The following XIST variants were observed in gnomAD, a reference collection of about 807,000 sequenced individuals.
The protein encoded by XIST is X inactive specific transcript (non-protein coding).
exon 1 of XIST, chrX:73,852,353 A>G (rs1413670982): frequency 1.8e-6 from 1 of 543,091 alleles, no homozygotes; most frequent in African/African-American, 2.3e-5. Flanking sequence ...AGAAAAAATA[A>G]TAAAACCAGG....
chrX:73,828,282 G>A, intron 5 of XIST: 1 of 244,627 alleles, frequency 4.1e-6, no homozygotes. Flanking sequence ...TAGTGCTAGT[G>A]GTCACTTATA....
At chrX:73,831,399 C>T (rs1042733499) in intron 3 of XIST, 12 of 383,457 alleles carry the variant, frequency 3.1e-5, no homozygotes, top group Non-Finnish European at 4.5e-5. Flanking sequence ...GAAGAGTGGA[C>T]ATTTACAGTT....
chrX:73,826,161 T>A (rs1181859938), exon 6 of XIST: 2 of 557,606 alleles, frequency 3.6e-6, no homozygotes, highest in Non-Finnish European at 6.5e-6. Context: ...TTCTCAGAAG[T>A]CTGGCACATC....
exon 1 of XIST, chrX:73,846,179 G>A (rs1340408541): frequency 3.6e-6 from 2 of 554,685 alleles, no homozygotes; most frequent in Non-Finnish European, 6.5e-6. Flanking sequence ...ACGCATACCA[G>A]GCCAGGAAAA....
chrX:73,849,524 G>T lies in XIST; in HGVS notation n.3200C>A, dbSNP rs773765686. On this transcript the variant is annotated non_coding_transcript_exon_variant, in exon 1 of 6. Transcript: ENST00000429829. ...AAATGGTTTCTCCTTTAAGGGCAGG[G>T]GATCGAGAAAATGATAAGTAACTCA... The T allele has an allele frequency of 6.1e-5, 34 of 556,632 alleles. 1 individual carries two copies. In the Admixed American group the frequency reaches 6.7e-4, roughly 11 times the overall value. The allele number at this position is 556,632 out of a possible 1,213,427, so 45.9% of individuals were successfully genotyped here.
chrX:73,842,203 C>T (rs1458409704), exon 1 of XIST: 1 of 511,560 alleles, frequency 2.0e-6, no homozygotes, highest in Non-Finnish European at 3.5e-6. Flanking sequence ...AGCAATTTTT[C>T]TGGCTGTATC....
At chrX:73,842,138 G>A (rs780230549) in exon 1 of XIST, 1 of 520,244 alleles carries the variant, frequency 1.9e-6, no homozygotes, top group Non-Finnish European at 3.5e-6. Context: ...CCAGGTTATC[G>A]AGTCCACCCT....
At chrX:73,827,219 A>C in exon 6 of XIST, 1 of 558,537 alleles carries the variant, frequency 1.8e-6, no homozygotes, top group Non-Finnish European at 3.2e-6. Context: ...ACCGCTCCAC[A>C]ATGCTTGCTC....
chrX:73,850,576 G>GGTGGCAGA, exon 1 of XIST: 1 of 543,620 alleles, frequency 1.8e-6, no homozygotes, highest in Non-Finnish European at 3.3e-6. Context: ...GTTGGCCAAC[G>GGTGGCAGA]ATCATCTGTG....
At chrX:73,848,826 G>C (rs779726279) in exon 1 of XIST, 2 of 558,425 alleles carry the variant, frequency 3.6e-6, no homozygotes, top group East Asian at 6.5e-5. Context: ...TAATGAGTGG[G>C]ACTATGGGCA....
exon 6 of XIST, chrX:73,825,902 T>C (rs749118483): frequency 2.0e-5 from 11 of 557,629 alleles, no homozygotes; most frequent in Non-Finnish European, 3.2e-5. Flanking sequence ...AAGGAAAGTA[T>C]TAAACATGCT....
chrX:73,826,019 G>A (rs766018500), exon 6 of XIST: 2 of 559,127 alleles, frequency 3.6e-6, no homozygotes, highest in Non-Finnish European at 6.5e-6. Context: ...TGAGCAGGGA[G>A]TTCAGGCTGT....
chrX:73,845,251 T>C, exon 1 of XIST: 1 of 555,440 alleles, frequency 1.8e-6, no homozygotes, highest in Admixed American at 2.2e-5. Context: ...GAGGCTTCCA[T>C]GTCTATTACA....
In XIST at chrX:73,822,111, G is replaced by A. The variant is rs746371115; in HGVS notation, n.17790C>T. ...CAAAACCAATTGTGGCTCAAGTGTA[G>A]GTGGTTCCCCAAGGCTGGTACCAAT... On this transcript the variant is annotated non_coding_transcript_exon_variant, in exon 6 of 6. Coordinates refer to ENST00000429829, the Ensembl canonical transcript of XIST. 1.1e-4 allele frequency: 62 copies of A among 557,398 alleles called. No homozygotes were observed. The East Asian group carries it at 2.0e-3, about 18-fold the overall frequency. The allele number at this position is 557,398 out of a possible 1,213,427, so 45.9% of individuals were successfully genotyped here. A position where few individuals can be genotyped will look rare whatever the true frequency, so the allele number is the denominator to read the frequency against.
At position 73,843,217 on chromosome X, in the gene XIST, G is replaced by T. The variant is rs765827755; in HGVS notation, n.9507C>A. On this transcript the variant is annotated non_coding_transcript_exon_variant, in exon 1 of 6. Transcript: ENST00000429829. ...TGCAGTAATGCAAAGGGGATACTAG[G>T]GCATAATATCCCACTCTACCAGAAG... 16 of 558,294 alleles carry T rather than the reference G, an allele frequency of 2.9e-5. No homozygotes were observed. The South Asian group carries it at 3.3e-4, about 12-fold the overall frequency. 46.0% of individuals were successfully genotyped at this position (558,294 alleles called of 1,213,427 possible).
chrX:73,829,900 G>C (rs1922346366), intron 4 of XIST, among the ~76,000 whole-genome samples: 1 of 108,662 alleles, frequency 9.2e-6, no homozygotes, highest in African/African-American at 3.4e-5. Context: ...ATAGATATGA[G>C]AGGGAAAAAC....
chrX:73,824,194 A>G, exon 6 of XIST: 1 of 515,391 alleles, frequency 1.9e-6, no homozygotes, highest in East Asian at 3.6e-5. Flanking sequence ...TTGCATCCCC[A>G]ATGCCTAGCA....
chrX:73,844,688 C>T (rs764132911), exon 1 of XIST: 1 of 556,602 alleles, frequency 1.8e-6, no homozygotes, highest in South Asian at 2.2e-5. Flanking sequence ...ACACAGAAAC[C>T]TGGACAAATA....
chrX:73,824,618 A>C (rs1456934405), exon 6 of XIST: 2 of 552,269 alleles, frequency 3.6e-6, no homozygotes, highest in African/African-American at 4.5e-5. Flanking sequence ...TTGTAGAGAC[A>C]ATACCTAGCT....
Sources: allele counts gnomAD v4.1 joint callset (sites outside exome capture counted in the v4.1 genomes callset), GRCh38; gene constraint gnomAD v4.1.1; transcripts MANE v1.5; gene names NCBI Gene and HGNC (gene_info 2026-07-23, HGNC 2026-07-21).